Variants in B4GALNT3 observed in about 807,000 individuals in gnomAD.
B4GALNT3 encodes the protein beta-1,4-N-acetylgalactosaminyltransferase 3.
A neutral mutation model predicts 120.2 loss-of-function variants in B4GALNT3; 86 were observed. The observed-to-expected ratio is 0.72, with a 90% CI of 0.60 to 0.86. The LOEUF is 0.86. Ranked by LOEUF, B4GALNT3 falls within the 40% of genes least tolerant of loss-of-function variation. The pLI is 0.00. For missense variants in B4GALNT3, 1,167 were observed against 1,298.9 expected (o/e 0.90, Z 1.56); for synonymous variants, 518 against 510.4 (o/e 1.01, Z -0.20).
At chr12:518,428 T>G (rs1946676919) in intron 1 of B4GALNT3, among the ~76,000 whole-genome samples, 1 of 152,226 alleles carries the variant, frequency 6.6e-6, no homozygotes, top group Admixed American at 6.5e-5. Context: ...TATGATTTTT[T>G]TAAGACTCTG....
chr12:501,832 A>G (rs1946447299), intron 1 of B4GALNT3, among the ~76,000 whole-genome samples: 2 of 152,240 alleles, frequency 1.3e-5, no homozygotes, highest in Non-Finnish European at 2.9e-5. Context: ...TCTGGGAACC[A>G]TGCTGTTCTC....
At chr12:479,811 G>A (rs907433735) in intron 1 of B4GALNT3, among the ~76,000 whole-genome samples, 7 of 151,442 alleles carry the variant, frequency 4.6e-5, no homozygotes, top group African/African-American at 1.5e-4. Flanking sequence ...TTTCTCTCTC[G>A]TTTTTGCTCA....
chr12:464,773 A>G lies in B4GALNT3; in HGVS notation c.169+4228A>G, dbSNP rs80034863. On this transcript the variant is annotated intron_variant, in intron 1 of 19. Coordinates refer to ENST00000266383, the MANE Select transcript of B4GALNT3 (RefSeq NM_173593.4). ...TGCCAGGATTACTTGCTGGATCCCAAAGTATTCTGAAGCTCAGGAAGCCGT... is the reference window on the plus strand; with the variant it reads ...TGCCAGGATTACTTGCTGGATCCCAGAGTATTCTGAAGCTCAGGAAGCCGT... Among the ~76,000 whole-genome samples, 1,300 of 152,244 alleles carry G rather than the reference A, an allele frequency of 8.5e-3. 27 individuals are homozygous for G. The highest frequency in any genetic ancestry group is 0.03 in the African/African-American group (1,236 of 41,518).
intron 14 of B4GALNT3, among the ~76,000 whole-genome samples, chr12:555,103 G>T (rs990612808): frequency 9.9e-5 from 15 of 151,910 alleles, no homozygotes; most frequent in African/African-American, 3.1e-4. Context: ...ACTTGAACCC[G>T]GGAGGTGGAG....
intron 1 of B4GALNT3, among the ~76,000 whole-genome samples, chr12:516,366 G>A (rs565121892): frequency 6.6e-6 from 1 of 152,270 alleles, no homozygotes; most frequent in Admixed American, 6.5e-5. Context: ...GCAGAGATCT[G>A]AGTAAAAAGG....
At chr12:560,994 G>A (rs1947224344) in intron 19 of B4GALNT3, among the ~76,000 whole-genome samples, 1 of 152,222 alleles carries the variant, frequency 6.6e-6, no homozygotes, top group African/African-American at 2.4e-5. Flanking sequence ...GCCGTGCTGA[G>A]CCCTCAGCAT....
intron 1 of B4GALNT3, among the ~76,000 whole-genome samples, chr12:494,823 G>A (rs1054523491): frequency 6.6e-6 from 1 of 151,508 alleles, no homozygotes; most frequent in African/African-American, 2.4e-5. Context: ...GTGTGCGGGG[G>A]GGAGTCTTTA....
At chr12:494,641 G>A (rs1174481696) in intron 1 of B4GALNT3, among the ~76,000 whole-genome samples, 1 of 152,286 alleles carries the variant, frequency 6.6e-6, no homozygotes, top group East Asian at 1.9e-4. Flanking sequence ...CCCCATCTCA[G>A]AGACCCGTGT....
chr12:532,918 C>A (rs531904233), intron 1 of B4GALNT3, among the ~76,000 whole-genome samples: 2 of 152,334 alleles, frequency 1.3e-5, no homozygotes, highest in South Asian at 4.1e-4. Context: ...GAGCTGAAGA[C>A]CGTCTTCGAG....
intron 1 of B4GALNT3, among the ~76,000 whole-genome samples, chr12:470,888 GT>G (rs1946129968): frequency 6.6e-6 from 1 of 151,862 alleles, no homozygotes; most frequent in Non-Finnish European, 1.5e-5. Flanking sequence ...ACAGGCATGT[GT>G]CACCATGCCC....
intron 14 of B4GALNT3, among the ~76,000 whole-genome samples, chr12:555,788 T>A (rs1947144665): frequency 6.8e-6 from 1 of 147,570 alleles, no homozygotes; most frequent in Non-Finnish European, 1.5e-5. Context: ...TTTATTTTTA[T>A]TTATTTTTTT....
At chr12:499,738 A>G (rs191408310) in intron 1 of B4GALNT3, among the ~76,000 whole-genome samples, 1 of 152,362 alleles carries the variant, frequency 6.6e-6, no homozygotes, top group Admixed American at 6.5e-5. Flanking sequence ...AAACAAAACA[A>G]TATTTGTTAA....
chr12:475,545 T>C (rs951723565), intron 1 of B4GALNT3, among the ~76,000 whole-genome samples: 1 of 152,112 alleles, frequency 6.6e-6, no homozygotes, highest in Non-Finnish European at 1.5e-5. Flanking sequence ...TGGTCTTCCC[T>C]TGGGCTCTGC....
rs1436286804 is a variant in B4GALNT3, at chr12:544,929, C to G, written c.495C>G (p.Asn165Lys). Residue 165 changes from asparagine to lysine, a missense_variant, in exon 5 of 20, where the codon AAC (asparagine) becomes AAG (lysine). Asn to Lys is a moderately conservative substitution (Grantham distance 94). This residue lies in a region of B4GALNT3 where 983 missense variants were observed against 1,102.5 expected (regional missense o/e 0.89). Coordinates refer to ENST00000266383, the MANE Select transcript of B4GALNT3 (RefSeq NM_173593.4). ...RKLAVSPKWT[N>K]YGLRIFGYLH... ...TTGCTGTGTCCCCCAAATGGACCAA[C>G]TATGGCCTCCGCATCTTTGGCTACC... is the stretch of plus-strand genomic sequence containing the variant. 1.9e-6 allele frequency: 3 copies of G among 1,613,954 alleles called. No individual in the cohort carries two copies. The highest frequency in any genetic ancestry group is 2.5e-6 in the Non-Finnish European group (3 of 1,180,008).
chr12:498,740 T>C (rs1183106058), intron 1 of B4GALNT3, among the ~76,000 whole-genome samples: 1 of 152,230 alleles, frequency 6.6e-6, no homozygotes, highest in African/African-American at 2.4e-5. Context: ...GCAGCGTTTA[T>C]AACTTTGTCT....
chr12:544,752 C>A, intron 4 of B4GALNT3, 130 bp from the exon 5 acceptor site: 1 of 845,050 alleles, frequency 1.2e-6, no homozygotes, highest in Non-Finnish European at 1.9e-6. Context: ...ATTGAGCCTG[C>A]ACTCCACTCA....
At chr12:514,173 C>T (rs1018655390) in intron 1 of B4GALNT3, among the ~76,000 whole-genome samples, 10 of 151,704 alleles carry the variant, frequency 6.6e-5, no homozygotes, top group South Asian at 2.1e-4. Flanking sequence ...TATGTTCTTG[C>T]CAACACTTGT....
chr12:553,159 C>G (rs1947103916), intron 13 of B4GALNT3, 35 bp from the exon 14 acceptor site: 3 of 1,600,976 alleles, frequency 1.9e-6, no homozygotes, highest in Non-Finnish European at 2.6e-6. Context: ...GGGTTGGAAA[C>G]TCTTGACATG....
chr12:553,714 A>G lies in B4GALNT3; in HGVS notation c.1791A>G (p.Ala597=). 1 of 1,614,074 alleles carries G rather than the reference A, an allele frequency of 6.2e-7. No individual in the cohort carries two copies. Among genetic ancestry groups the G allele is most frequent in the African/African-American group, 1.3e-5 (1 of 75,062 alleles). The change falls in exon 14 of 20, where the codon GCA becomes GCG. Residue 597 remains alanine (A), a synonymous_variant. Transcript: ENST00000266383. ...WHGEEEVVAA[A]GQEGQVEGEE... ...GGGAGGAGGAAGTGGTGGCGGCCGCAGGCCAGGAAGGACAAGTGGAGGGAG... is the reference window on the plus strand; with the variant it reads ...GGGAGGAGGAAGTGGTGGCGGCCGCGGGCCAGGAAGGACAAGTGGAGGGAG...
Sources: allele counts gnomAD v4.1 joint callset (sites outside exome capture counted in the v4.1 genomes callset), GRCh38; gene constraint gnomAD v4.1.1; regional missense constraint gnomAD v4.1.1; transcripts MANE v1.5; gene names NCBI Gene and HGNC (gene_info 2026-07-23, HGNC 2026-07-21).